The following ZNF438 variants were observed in gnomAD, a reference collection of about 807,000 sequenced individuals.
ZNF438 encodes zinc finger protein 438.
Under a neutral mutation model 38.0 loss-of-function variants are expected in ZNF438, and 25 were observed. That is an observed-to-expected ratio of 0.66 (90% confidence interval 0.48 to 0.92). The LOEUF is 0.92. Ranked by LOEUF, ZNF438 falls within the 40% of genes least tolerant of loss-of-function variation. ZNF438 has a pLI of 0.00. For missense variants in ZNF438, 1,007 were observed against 999.6 expected (o/e 1.01, Z -0.10); for synonymous variants, 372 against 364.1 (o/e 1.02, Z -0.25).
intron 1 of ZNF438, among the ~76,000 whole-genome samples, chr10:31,022,725 G>A (rs139296564): frequency 2.0e-5 from 3 of 152,222 alleles, no homozygotes; most frequent in African/African-American, 7.2e-5. Context: ...CACAACAAAC[G>A]CTTCGAAAGC....
At chr10:31,020,487 T>C (rs963191292) in intron 1 of ZNF438, among the ~76,000 whole-genome samples, 8 of 152,184 alleles carry the variant, frequency 5.3e-5, no homozygotes, top group Admixed American at 3.9e-4. Flanking sequence ...TGGCATTTTA[T>C]GGGTACTTGG....
At chr10:31,013,581 G>T (rs927039010) in intron 1 of ZNF438, among the ~76,000 whole-genome samples, 1 of 152,028 alleles carries the variant, frequency 6.6e-6, no homozygotes, top group East Asian at 1.9e-4. Flanking sequence ...ACAAACACAC[G>T]CACATTCTTC....
chr10:30,971,025 G>A (rs145956789), intron 1 of ZNF438, among the ~76,000 whole-genome samples: 2 of 152,304 alleles, frequency 1.3e-5, no homozygotes, highest in East Asian at 3.9e-4. Context: ...AGAATAAAAA[G>A]TGTAACAGAA....
intron 2 of ZNF438, among the ~76,000 whole-genome samples, chr10:30,937,102 C>T (rs1209118206): frequency 2.6e-5 from 4 of 152,086 alleles, no homozygotes; most frequent in African/African-American, 9.7e-5. Flanking sequence ...TACAACTCCT[C>T]TCTGCTGGCC....
chr10:31,013,126 C>T (rs566643338), intron 1 of ZNF438, among the ~76,000 whole-genome samples: 6 of 152,020 alleles, frequency 3.9e-5, no homozygotes, highest in Admixed American at 1.3e-4. Context: ...GAGACCATCC[C>T]GGCTAAAACG....
intron 1 of ZNF438, among the ~76,000 whole-genome samples, chr10:30,999,705 C>A (rs913429168): frequency 6.6e-6 from 1 of 152,118 alleles, no homozygotes; most frequent in African/African-American, 2.4e-5. Flanking sequence ...GGCATTTTGA[C>A]GATTCTTTAC....
At chr10:30,852,768 A>G (rs923464741) in intron 4 of ZNF438, among the ~76,000 whole-genome samples, 11 of 152,256 alleles carry the variant, frequency 7.2e-5, no homozygotes, top group Non-Finnish European at 1.2e-4. Flanking sequence ...AAAATCAGAC[A>G]AAGATAATTA....
At chr10:30,907,712 A>T (rs539156407) in intron 3 of ZNF438, among the ~76,000 whole-genome samples, 35 of 152,122 alleles carry the variant, frequency 2.3e-4, no homozygotes, top group Non-Finnish European at 4.3e-4. Flanking sequence ...TTTGTTGATT[A>T]TTCTTTTATC....
intron 3 of ZNF438, among the ~76,000 whole-genome samples, chr10:30,880,268 T>C (rs548873324): frequency 4.0e-5 from 6 of 151,630 alleles, no homozygotes; most frequent in African/African-American, 1.4e-4. Flanking sequence ...CTGTCTCTAC[T>C]AAAAATACAA....
exon 6 of ZNF438, chr10:30,844,782 G>T: frequency 1.3e-6 from 1 of 750,048 alleles, no homozygotes; most frequent in Non-Finnish European, 2.1e-6. Flanking sequence ...AGAAAAATAT[G>T]CTTCGAGAGC....
chr10:30,949,282 G>A lies in ZNF438; in HGVS notation c.-191-7631C>T, dbSNP rs1375464180. ...ACATGGAAAGGAAAAACCGGTACCA[G>A]CCACTGCAAAATCATGCCAAAATGT... On this transcript the variant is annotated intron_variant, in intron 1 of 5. Coordinates refer to ENST00000413025, the Ensembl canonical transcript of ZNF438. Among the ~76,000 whole-genome samples, 8 of 152,088 alleles carry A rather than the reference G, an allele frequency of 5.3e-5. 1 individual carries two copies. The highest frequency in any genetic ancestry group is 1.2e-4 in the Non-Finnish European group (8 of 68,024).
chr10:30,977,724 T>A (rs984249151), intron 1 of ZNF438, among the ~76,000 whole-genome samples: 2 of 151,996 alleles, frequency 1.3e-5, no homozygotes, highest in African/African-American at 4.8e-5. Flanking sequence ...GTGGCTCACG[T>A]CTGTAATACC....
intron 1 of ZNF438, among the ~76,000 whole-genome samples, chr10:30,988,404 A>T (rs1026677281): frequency 5.3e-5 from 8 of 151,896 alleles, no homozygotes; most frequent in Admixed American, 3.3e-4. Flanking sequence ...TATTTTTAAA[A>T]TTTTTTTTCC....
intron 3 of ZNF438, among the ~76,000 whole-genome samples, chr10:30,896,070 G>C (rs1026000130): frequency 3.3e-5 from 5 of 152,128 alleles, no homozygotes; most frequent in African/African-American, 1.2e-4. Flanking sequence ...GGGAGGCCGA[G>C]AGGGGCAGAT....
At chr10:30,933,946 A>G (rs1421728373) in intron 2 of ZNF438, among the ~76,000 whole-genome samples, 2 of 152,052 alleles carry the variant, frequency 1.3e-5, no homozygotes, top group East Asian at 1.9e-4. Flanking sequence ...GGAGATCGAG[A>G]CCATCCTGGC....
intron 1 of ZNF438, among the ~76,000 whole-genome samples, chr10:31,030,830 A>T (rs2057242177): frequency 6.6e-6 from 1 of 152,208 alleles, no homozygotes; most frequent in Admixed American, 6.5e-5. Flanking sequence ...CTAATCGATA[A>T]TGTAGTACCC....
At chr10:31,031,623 G>T (rs888936867) in intron 1 of ZNF438, among the ~76,000 whole-genome samples, 1 of 152,074 alleles carries the variant, frequency 6.6e-6, no homozygotes, top group South Asian at 2.1e-4. Flanking sequence ...GTGCTGGCCC[G>T]GCCCCACGGG....
intron 4 of ZNF438, among the ~76,000 whole-genome samples, chr10:30,874,277 T>C (rs2038067882): frequency 1.3e-5 from 2 of 151,564 alleles, no homozygotes; most frequent in South Asian, 4.2e-4. Context: ...GCCTTCCAAG[T>C]AGCTGGGACT....
chr10:30,872,210 A>G (rs1373292573), intron 4 of ZNF438, among the ~76,000 whole-genome samples: 2 of 151,858 alleles, frequency 1.3e-5, no homozygotes, highest in East Asian at 3.9e-4. Context: ...AATTTAAGCC[A>G]GGGGGTTAAA....
Sources: allele counts gnomAD v4.1 joint callset (sites outside exome capture counted in the v4.1 genomes callset), GRCh38; gene constraint gnomAD v4.1.1; transcripts MANE v1.5; gene names NCBI Gene and HGNC (gene_info 2026-07-23, HGNC 2026-07-21).